Variants in DGKB observed in about 807,000 individuals in gnomAD.
The protein encoded by DGKB is 90 kDa diacylglycerol kinase.
DGKB carries 67 observed loss-of-function variants against 114.3 expected under a neutral mutation model. That is an observed-to-expected ratio of 0.59 (90% CI 0.48 to 0.72). The LOEUF (loss-of-function observed/expected upper bound fraction) is 0.72, where lower values mean the gene tolerates loss of function less well. DGKB is among the 30% of genes least tolerant of loss of function. The probability of loss-of-function intolerance (pLI) is 0.00; values close to 1 mark genes in which losing one functional copy is unlikely to be tolerated. For synonymous variants in DGKB, 398 were observed against 323.1 expected, an observed-to-expected ratio of 1.23 and a Z score of -2.49; for missense variants, 907 against 975.2, an observed-to-expected ratio of 0.93 and a Z score of 0.93.
At chr7:14,152,659 G>A (rs1782394513) in intron 25 of DGKB, among the ~76,000 whole-genome samples, 3 of 152,164 alleles carry the variant, frequency 2.0e-5, no homozygotes, top group Non-Finnish European at 2.9e-5. Context: ...TACGAAAAAT[G>A]TGGGTTCAGT....
intron 23 of DGKB, among the ~76,000 whole-genome samples, chr7:14,244,667 C>CT: frequency 1.3e-5 from 1 of 79,228 alleles, no homozygotes; most frequent in South Asian, 5.4e-4. Context: ...GAGACTCTGT[C>CT]TCAAAAAAAA....
At chr7:14,355,177 AC>A (rs970796493) in intron 21 of DGKB, among the ~76,000 whole-genome samples, 1 of 150,366 alleles carries the variant, frequency 6.7e-6, no homozygotes, top group African/African-American at 2.5e-5. Context: ...TTCTCCACCA[AC>A]CCCCCATCCT....
At chr7:14,936,320 A>G (rs867020333) in intron 1 of DGKB, among the ~76,000 whole-genome samples, 1 of 152,140 alleles carries the variant, frequency 6.6e-6, no homozygotes, top group Admixed American at 6.6e-5. Flanking sequence ...AGCAAAATGA[A>G]AAGGAGGCTA....
At chr7:14,928,100 CAA>C (rs1434646366) in intron 1 of DGKB, among the ~76,000 whole-genome samples, 3 of 151,738 alleles carry the variant, frequency 2.0e-5, no homozygotes, top group Non-Finnish European at 4.4e-5. Context: ...AACTTGAAAA[CAA>C]AATACATTTA....
chr7:14,177,045 C>A, intron 24 of DGKB, 146 bp from the exon 25 acceptor site: 2 of 790,092 alleles, frequency 2.5e-6, no homozygotes, highest in Non-Finnish European at 3.9e-6. Context: ...AGCTTCAACT[C>A]TCCACTATTA....
chr7:14,314,370 G>A (rs1237006551), intron 23 of DGKB, among the ~76,000 whole-genome samples: 1 of 151,096 alleles, frequency 6.6e-6, no homozygotes, highest in Non-Finnish European at 1.5e-5. Context: ...AGGCAAAGAA[G>A]TTGAAAACTT....
chr7:14,473,880 A>G (rs10255269), intron 21 of DGKB, among the ~76,000 whole-genome samples: 3,244 of 152,242 alleles, frequency 0.021, 94 homozygotes, highest in African/African-American at 0.071. Flanking sequence ...GAATGGCTGT[A>G]TTTACTCAAT....
intron 23 of DGKB, among the ~76,000 whole-genome samples, chr7:14,304,087 A>ACACACACTCTCTCTCT (rs140836395): frequency 8.3e-4 from 91 of 110,116 alleles, no homozygotes; most frequent in East Asian, 3.3e-3. Context: ...ACACACACAC[A>ACACACACTCTCTCTCT]CTCTCTCTCT....
intron 23 of DGKB, among the ~76,000 whole-genome samples, chr7:14,236,972 A>AGT (rs935199183): frequency 1.1e-4 from 16 of 151,916 alleles, no homozygotes; most frequent in African/African-American, 3.6e-4. Context: ...GCAATGTGGT[A>AGT]GTGGATCAAT....
chr7:14,678,984 T>C (rs555113704), intron 12 of DGKB, among the ~76,000 whole-genome samples: 3 of 152,124 alleles, frequency 2.0e-5, no homozygotes, highest in Non-Finnish European at 2.9e-5. Context: ...CCAGGTCTGA[T>C]AGAATGAGAG....
intron 6 of DGKB, among the ~76,000 whole-genome samples, chr7:14,705,915 C>A (rs1826139635): frequency 6.6e-6 from 1 of 151,712 alleles, no homozygotes; most frequent in Admixed American, 6.6e-5. Flanking sequence ...AAATAACGAG[C>A]AAAATCACCA....
chr7:14,559,957 C>CT (rs1796414845), intron 20 of DGKB, among the ~76,000 whole-genome samples: 1 of 150,496 alleles, frequency 6.6e-6, no homozygotes. Context: ...CTCTTCTTCC[C>CT]TCCCTTTCTC....
chr7:14,644,472 G>T (rs1188726571), intron 13 of DGKB, among the ~76,000 whole-genome samples: 3 of 152,130 alleles, frequency 2.0e-5, no homozygotes, highest in Admixed American at 2.0e-4. Context: ...GCAATACCGT[G>T]ATATCAAGAA....
chr7:14,528,447 A>T (rs979417685), intron 20 of DGKB, among the ~76,000 whole-genome samples: 1 of 152,102 alleles, frequency 6.6e-6, no homozygotes, highest in African/African-American at 2.4e-5. Flanking sequence ...GTGACTATGT[A>T]ATCAAAGACT....
intron 1 of DGKB, among the ~76,000 whole-genome samples, chr7:14,939,770 C>T (rs1587421227): frequency 2.0e-5 from 3 of 151,596 alleles, no homozygotes; most frequent in East Asian, 2.0e-4. Context: ...CCCACCACGA[C>T]GCCCAGCTAA....
At chr7:14,479,143 C>A (rs1782626409) in intron 20 of DGKB, among the ~76,000 whole-genome samples, 1 of 151,982 alleles carries the variant, frequency 6.6e-6, no homozygotes, top group African/African-American at 2.4e-5. Flanking sequence ...CAGAAAAGGG[C>A]TATTGTTGAC....
chr7:14,925,081 CAA>C (rs1276039806), intron 1 of DGKB, among the ~76,000 whole-genome samples: 1 of 152,140 alleles, frequency 6.6e-6, no homozygotes, highest in East Asian at 1.9e-4. Flanking sequence ...TAGATTCACT[CAA>C]GTTTTTTATG....
chr7:14,523,911 T>C (rs866780589), intron 20 of DGKB, among the ~76,000 whole-genome samples: 2 of 152,136 alleles, frequency 1.3e-5, no homozygotes, highest in East Asian at 3.9e-4. Flanking sequence ...GGTTACAGTG[T>C]TATGTTTCTG....
At position 14,828,668 on chromosome 7, in the gene DGKB, A is replaced by G. The variant is rs138507534; in HGVS notation, c.70+12526T>C. Among the ~76,000 whole-genome samples, 287 of 152,242 alleles carry G rather than the reference A, an allele frequency of 1.9e-3. 1 individual carries two copies. The highest frequency in any genetic ancestry group is 6.6e-3 in the African/African-American group (275 of 41,568). ...TGGATTTGCTTGGGTTCTGGCAGTA[A>G]CATACTACTAGAGCTCCTATCTTGC... is the stretch of plus-strand genomic sequence containing the variant. On this transcript the variant is annotated intron_variant, in intron 2 of 25. Transcript: ENST00000402815.
Sources: allele counts gnomAD v4.1 joint callset (sites outside exome capture counted in the v4.1 genomes callset), GRCh38; gene constraint gnomAD v4.1.1; transcripts MANE v1.5; gene names NCBI Gene and HGNC (gene_info 2026-07-23, HGNC 2026-07-21).